ORC4: variants seen among roughly 807,000 people sequenced by gnomAD.
ORC4 encodes origin recognition complex subunit 4, also known as origin recognition complex, subunit 4 homolog.
A neutral mutation model predicts 63.9 loss-of-function variants in ORC4; 55 were observed. The ratio of observed to expected loss-of-function variants is 0.86; its 90% CI spans 0.69 to 1.08. The LOEUF is 1.08. ORC4 is among the 50% of genes least tolerant of loss of function. The probability of loss-of-function intolerance (pLI) is 0.00; values close to 1 mark genes in which losing one functional copy is unlikely to be tolerated. For synonymous variants in ORC4, 150 were observed against 168.5 expected (o/e 0.89, Z 0.85); for missense variants, 511 against 504.4 (o/e 1.01, Z -0.13).
chr2:147,950,338 G>A (rs151154395), intron 8 of ORC4, among the ~76,000 whole-genome samples: 1 of 152,186 alleles, frequency 6.6e-6, no homozygotes, highest in Non-Finnish European at 1.5e-5. Context: ...TGGGCATACA[G>A]GAACTAGTAA....
At chr2:148,014,898 A>G (rs1482801638) in intron 1 of ORC4, among the ~76,000 whole-genome samples, 1 of 152,184 alleles carries the variant, frequency 6.6e-6, no homozygotes, top group African/African-American at 2.4e-5. Context: ...TTCTGAAACC[A>G]ATTTCCAGCA....
At chr2:147,953,455 T>C (rs1349544616) in intron 7 of ORC4, among the ~76,000 whole-genome samples, 1 of 152,194 alleles carries the variant, frequency 6.6e-6, no homozygotes, top group Non-Finnish European at 1.5e-5. Flanking sequence ...GACAGAGTTT[T>C]CTATACCTAC....
intron 1 of ORC4, among the ~76,000 whole-genome samples, chr2:147,981,010 T>C (rs1035055999): frequency 6.6e-6 from 1 of 152,194 alleles, no homozygotes; most frequent in Non-Finnish European, 1.5e-5. Context: ...ATGTGGTATA[T>C]ATACACAATA....
chr2:147,953,876 T>G (rs1689106970), intron 7 of ORC4, among the ~76,000 whole-genome samples: 1 of 152,114 alleles, frequency 6.6e-6, no homozygotes, highest in African/African-American at 2.4e-5. Flanking sequence ...GACTTAATAC[T>G]GGTACAAAAC....
At chr2:147,957,087 T>C (rs991264284) in intron 6 of ORC4, among the ~76,000 whole-genome samples, 5 of 148,358 alleles carry the variant, frequency 3.4e-5, no homozygotes, top group Admixed American at 2.7e-4. Context: ...CATTTTATAT[T>C]AATATTTTTA....
chr2:147,993,748 T>C (rs902839792), intron 1 of ORC4, among the ~76,000 whole-genome samples: 15 of 152,170 alleles, frequency 9.9e-5, no homozygotes, highest in Non-Finnish European at 1.9e-4. Flanking sequence ...CAGCATTATA[T>C]GGCTTAGAAC....
chr2:148,017,120 C>T (rs1240418634), intron 1 of ORC4, among the ~76,000 whole-genome samples: 1 of 152,142 alleles, frequency 6.6e-6, no homozygotes, highest in African/African-American at 2.4e-5. Context: ...ATGGTAAACA[C>T]ATAGGAACAT....
In ORC4 at chr2:147,972,859, A is replaced by C. The variant is rs1490523056; in HGVS notation, c.135-30T>G. ...AATGATATAAATAGGACAAAATTTT[A>C]AAAATGAAGCTGGAATACTTTGTTA... On this transcript the variant is annotated intron_variant, in intron 3 of 13. Transcript: ENST00000392857. 3 of 1,420,368 alleles carry C rather than the reference A, an allele frequency of 2.1e-6. No individual in the cohort carries two copies. The South Asian group carries it at 3.5e-5, about 16-fold the overall frequency. The allele number at this position is 1,420,368 out of a possible 1,614,324, so 88.0% of individuals were successfully genotyped here.
chr2:148,005,352 T>A (rs1692561749), intron 1 of ORC4, among the ~76,000 whole-genome samples: 1 of 151,136 alleles, frequency 6.6e-6, no homozygotes, highest in Non-Finnish European at 1.5e-5. Context: ...AGCTGAACAA[T>A]GAGAACACAT....
At chr2:147,943,605 G>A in intron 9 of ORC4, 83 bp from the exon 10 acceptor site, 1 of 773,404 alleles carries the variant, frequency 1.3e-6, no homozygotes, top group Non-Finnish European at 2.2e-6. Context: ...CTTACTGGTT[G>A]GTGTACCTTA....
intron 1 of ORC4, among the ~76,000 whole-genome samples, chr2:147,993,749 G>GATATA (rs1383643549): frequency 1.3e-5 from 2 of 152,022 alleles, no homozygotes; most frequent in African/African-American, 4.8e-5. Context: ...AGCATTATAT[G>GATATA]GCTTAGAACT....
At position 147,973,474 on chromosome 2, in the gene ORC4, G is replaced by A. The variant is rs1360275303; in HGVS notation, c.108C>T (p.Asn36=). 1.9e-6 allele frequency: 3 copies of A among 1,605,522 alleles called. No individual in the cohort carries two copies. The African/African-American group carries it at 4.0e-5, about 21-fold the overall frequency. The stretch of plus-strand genomic sequence containing the variant: ...TGTATTGTACTTGCACTCCAAATAG[G>A]TTACTATGTGGACTCTGACGACAAA... ...ERFCRQSPHS[N]LFGVQVQYKH... Residue 36 remains asparagine (N), a synonymous_variant, in exon 3 of 14, where the codon AAC becomes AAT. Transcript: ENST00000392857.
intron 4 of ORC4, among the ~76,000 whole-genome samples, chr2:147,970,250 G>A (rs1015026304): frequency 1.3e-5 from 2 of 152,104 alleles, no homozygotes; most frequent in Admixed American, 1.3e-4. Flanking sequence ...TAGTTAAGAT[G>A]TCCATTCTTC....
intron 1 of ORC4, among the ~76,000 whole-genome samples, chr2:148,016,089 C>G (rs1573908057): frequency 6.6e-6 from 1 of 152,102 alleles, no homozygotes; most frequent in South Asian, 2.1e-4. Context: ...TGAAAAAGCT[C>G]GATAAGTGGG....
chr2:147,967,132 C>A (rs1689940415), intron 4 of ORC4, among the ~76,000 whole-genome samples: 1 of 151,904 alleles, frequency 6.6e-6, no homozygotes, highest in African/African-American at 2.4e-5. Context: ...TGATAAAATT[C>A]AACATCCCTT....
At chr2:147,978,270 G>A (rs931900052) in intron 1 of ORC4, among the ~76,000 whole-genome samples, 3 of 152,224 alleles carry the variant, frequency 2.0e-5, no homozygotes, top group Admixed American at 2.0e-4. Context: ...TTTCTGTGCA[G>A]GATTTCTGTA....
chr2:147,994,673 C>T (rs1691824509), intron 1 of ORC4, among the ~76,000 whole-genome samples: 2 of 152,158 alleles, frequency 1.3e-5, no homozygotes, highest in Admixed American at 6.5e-5. Flanking sequence ...TTACAAGTTT[C>T]ACACACAAAA....
At chr2:147,996,562 A>C (rs1163964246) in intron 1 of ORC4, among the ~76,000 whole-genome samples, 26 of 152,250 alleles carry the variant, frequency 1.7e-4, no homozygotes, top group Admixed American at 1.7e-3. Context: ...AAATATACAA[A>C]GAACTCAACA....
intron 4 of ORC4, among the ~76,000 whole-genome samples, chr2:147,968,531 G>A (rs944672236): frequency 1.3e-5 from 2 of 151,892 alleles, no homozygotes; most frequent in Non-Finnish European, 2.9e-5. Flanking sequence ...AATACATGAA[G>A]AAATGCTTAA....
Sources: gnomAD v4.1 joint callset for allele counts (sites outside exome capture counted in the v4.1 genomes callset) on GRCh38, gnomAD v4.1.1 for gene constraint, MANE v1.5 for transcripts, NCBI Gene and HGNC (gene_info 2026-07-23, HGNC 2026-07-21) for gene names.